The following ERC2 variants were observed in gnomAD, a reference collection of about 807,000 sequenced individuals.
ERC2 encodes the protein ELKS/RAB6-interacting/CAST family member 2.
Under a neutral mutation model 114.8 loss-of-function variants are expected in ERC2, and 42 were observed. The ratio of observed to expected loss-of-function variants is 0.37; its 90% CI spans 0.29 to 0.47. The LOEUF (loss-of-function observed/expected upper bound fraction) is 0.47. Ranked by LOEUF, ERC2 falls within the 20% of genes least tolerant of loss-of-function variation. The pLI, the probability that ERC2 is intolerant of heterozygous loss-of-function variation, is 0.99. For synonymous variants in ERC2, 454 were observed against 425.5 expected (o/e 1.07, Z -0.82); for missense variants, 939 against 1,150.7 (o/e 0.82, Z 2.66).
intron 1 of ERC2, among the ~76,000 whole-genome samples, chr3:56,444,513 A>G (rs9876092): frequency 0.28 from 42,800 of 152,104 alleles, 6,353 homozygotes; most frequent in Admixed American, 0.42. Context: ...TTATGAACCT[A>G]TAAGAATGCT....
chr3:55,959,095 C>A (rs541854276), intron 12 of ERC2, among the ~76,000 whole-genome samples: 2 of 152,272 alleles, frequency 1.3e-5, no homozygotes, highest in South Asian at 2.1e-4. Context: ...GATCCCCCTG[C>A]CCCAACCCTC....
chr3:55,718,269 A>T (rs2064242124), intron 15 of ERC2, among the ~76,000 whole-genome samples: 1 of 152,214 alleles, frequency 6.6e-6, no homozygotes, highest in Non-Finnish European at 1.5e-5. Context: ...CTATAATATC[A>T]AGAAATTCAA....
intron 1 of ERC2, among the ~76,000 whole-genome samples, chr3:56,439,258 A>C (rs1302085569): frequency 2.0e-5 from 3 of 152,192 alleles, no homozygotes. Context: ...CAGTCTGGGC[A>C]ATATAGCAAG....
intron 17 of ERC2, among the ~76,000 whole-genome samples, chr3:55,534,695 A>C (rs2053884391): frequency 6.6e-6 from 1 of 152,144 alleles, no homozygotes. Flanking sequence ...GTGTCAAAAA[A>C]AGAGAAGGAC....
intron 3 of ERC2, among the ~76,000 whole-genome samples, chr3:56,274,594 C>G (rs1266892580): frequency 6.6e-6 from 1 of 152,136 alleles, no homozygotes; most frequent in Non-Finnish European, 1.5e-5. Context: ...TGTGATTTGC[C>G]TAAAAACTGT....
rs868562593 is a variant in ERC2, at chr3:55,569,487, C to A, written c.*40-58211G>T. 2.0e-5 allele frequency among the ~76,000 whole-genome samples: 3 copies of A among 152,274 alleles called. No homozygotes were observed. In the East Asian group the frequency reaches 5.8e-4, roughly 29 times the overall value. ...TAACGAGGGCAAGATAAGAGCCAGA[C>A]GTGTGGAAATATTTCTCTTTGAGGA... On this transcript the variant is annotated intron_variant, in intron 17 of 17. Transcript: ENST00000288221.
chr3:56,341,299 C>A (rs533202300), intron 2 of ERC2, among the ~76,000 whole-genome samples: 2 of 152,258 alleles, frequency 1.3e-5, no homozygotes, highest in African/African-American at 4.8e-5. Context: ...TAATAAAAGT[C>A]ATTCTGGGAA....
At chr3:56,231,771 T>C (rs928182751) in intron 3 of ERC2, among the ~76,000 whole-genome samples, 3 of 152,118 alleles carry the variant, frequency 2.0e-5, no homozygotes, top group Admixed American at 2.0e-4. Context: ...AAAATAATAT[T>C]AAAATTGTCA....
At chr3:56,018,530 A>G (rs536351912) in intron 8 of ERC2, among the ~76,000 whole-genome samples, 1 of 152,302 alleles carries the variant, frequency 6.6e-6, no homozygotes, top group African/African-American at 2.4e-5. Flanking sequence ...TGGAAATGAA[A>G]GAAAGAATGA....
chr3:55,975,630 C>CTGA (rs2069522069), intron 12 of ERC2, among the ~76,000 whole-genome samples: 1 of 152,216 alleles, frequency 6.6e-6, no homozygotes, highest in African/African-American at 2.4e-5. Flanking sequence ...CCTATCTCTC[C>CTGA]AGCACAGAGA....
chr3:56,385,950 C>T (rs2059918527), intron 2 of ERC2, among the ~76,000 whole-genome samples: 1 of 152,120 alleles, frequency 6.6e-6, no homozygotes, highest in Non-Finnish European at 1.5e-5. Flanking sequence ...TTAGGGCATC[C>T]ACTGTAAACT....
intron 1 of ERC2, among the ~76,000 whole-genome samples, chr3:56,453,558 T>A (rs925277496): frequency 6.6e-6 from 1 of 152,230 alleles, no homozygotes; most frequent in African/African-American, 2.4e-5. Flanking sequence ...CTCTCATTTC[T>A]CTCTTCCTCT....
At chr3:55,761,957 CCCCT>C (rs1320794927) in intron 14 of ERC2, among the ~76,000 whole-genome samples, 2 of 116,140 alleles carry the variant, frequency 1.7e-5, no homozygotes, top group Non-Finnish European at 3.4e-5. Context: ...TCTCTCTCTC[CCCCT>C]CCCTCCCTCC....
intron 6 of ERC2, among the ~76,000 whole-genome samples, chr3:56,100,829 G>T (rs1306405057): frequency 6.6e-6 from 1 of 152,112 alleles, no homozygotes; most frequent in African/African-American, 2.4e-5. Context: ...TACAGTAAAA[G>T]CTGTAAAAAT....
At chr3:56,389,207 G>C (rs1394154255) in intron 2 of ERC2, among the ~76,000 whole-genome samples, 1 of 152,130 alleles carries the variant, frequency 6.6e-6, no homozygotes, top group African/African-American at 2.4e-5. Context: ...TATTGCATGG[G>C]AGGAGGGAAA....
chr3:56,000,209 A>G (rs2071922763), intron 10 of ERC2, among the ~76,000 whole-genome samples: 1 of 152,094 alleles, frequency 6.6e-6, no homozygotes, highest in South Asian at 2.1e-4. Context: ...AATAAAAATG[A>G]ACTAAAGATG....
chr3:55,786,369 T>C (rs2069488227), intron 14 of ERC2, among the ~76,000 whole-genome samples: 1 of 152,232 alleles, frequency 6.6e-6, no homozygotes, highest in African/African-American at 2.4e-5. Context: ...ATTGAGCTCA[T>C]TACAGAGGAA....
intron 17 of ERC2, among the ~76,000 whole-genome samples, chr3:55,643,368 T>C (rs184914733): frequency 1.6e-3 from 250 of 152,364 alleles, no homozygotes; most frequent in African/African-American, 5.8e-3. Context: ...ATCATGTGGA[T>C]ATAGAGCACT....
intron 2 of ERC2, among the ~76,000 whole-genome samples, chr3:56,372,529 A>T (rs1560693968): frequency 6.6e-6 from 1 of 152,098 alleles, no homozygotes; most frequent in African/African-American, 2.4e-5. Flanking sequence ...GGAGTACAAG[A>T]CCAGCTTGGG....
Sources: allele counts gnomAD v4.1 joint callset (sites outside exome capture counted in the v4.1 genomes callset), GRCh38; gene constraint gnomAD v4.1.1; transcripts MANE v1.5; gene names NCBI Gene and HGNC (gene_info 2026-07-23, HGNC 2026-07-21).